The following TGFA variants were observed in gnomAD, a reference collection of about 807,000 sequenced individuals.
TGFA encodes the protein transforming growth factor alpha, also known as protransforming growth factor alpha.
In TGFA, 12 loss-of-function variants were observed where a neutral mutation model predicts 21.7. The observed-to-expected ratio is 0.55, with a 90% CI of 0.35 to 0.90. The LOEUF is 0.90. Among genes scored for constraint, TGFA ranks in the 40% least tolerant of loss-of-function variants. The pLI, the probability that TGFA is intolerant of heterozygous loss-of-function variation, is 0.01. For synonymous variants in TGFA, 79 were observed against 88.1 expected, an observed-to-expected ratio of 0.90 and a Z score of 0.58; for missense variants, 178 against 210.8, an observed-to-expected ratio of 0.84 and a Z score of 0.96.
At chr2:70,525,048 C>T (rs1033071475) in intron 1 of TGFA, among the ~76,000 whole-genome samples, 2 of 152,238 alleles carry the variant, frequency 1.3e-5, no homozygotes, top group Non-Finnish European at 2.9e-5. Context: ...CCAAGCCCAT[C>T]CCCTCAGCTC....
chr2:70,536,783 G>C (rs1312362901), intron 1 of TGFA, among the ~76,000 whole-genome samples: 1 of 152,186 alleles, frequency 6.6e-6, no homozygotes, highest in Non-Finnish European at 1.5e-5. Flanking sequence ...TTCCACTTTA[G>C]GAAACTAGAA....
chr2:70,536,219 A>G lies in TGFA; in HGVS notation c.40+17509T>C, dbSNP rs888072496. On this transcript the variant is annotated intron_variant, in intron 1 of 5. Coordinates refer to ENST00000295400, the MANE Select transcript of TGFA (RefSeq NM_003236.4). ...AGTTACTAAGCAATCCTTAATGTGT[A>G]TGTGCACCTAACAACAGTGTCAAAA... is the stretch of plus-strand genomic sequence containing the variant. 1.5e-4 allele frequency among the ~76,000 whole-genome samples: 23 copies of G among 152,216 alleles called. 1 individual carries two copies. The highest frequency in any genetic ancestry group is 2.9e-5 in the Non-Finnish European group (2 of 68,034).
chr2:70,528,673 A>G (rs145368958), intron 1 of TGFA, among the ~76,000 whole-genome samples: 20 of 152,332 alleles, frequency 1.3e-4, no homozygotes, highest in Non-Finnish European at 2.8e-4. Flanking sequence ...AAAAAAGATG[A>G]TGTATCTTAG....
intron 1 of TGFA, chr2:70,553,376 G>C (rs1013310054): frequency 1.4e-6 from 2 of 1,457,968 alleles, no homozygotes; most frequent in East Asian, 5.0e-5. Context: ...GGCTGAGCCG[G>C]GCTTGGAGGC....
At chr2:70,552,482 A>G (rs1553506958) in intron 1 of TGFA, among the ~76,000 whole-genome samples, 1 of 152,212 alleles carries the variant, frequency 6.6e-6, no homozygotes, top group African/African-American at 2.4e-5. Flanking sequence ...AAAAAAGGCA[A>G]TTCTTCAAAA....
chr2:70,488,832 T>G (rs781990785), intron 2 of TGFA, among the ~76,000 whole-genome samples: 10 of 152,200 alleles, frequency 6.6e-5, no homozygotes, highest in Non-Finnish European at 1.3e-4. Flanking sequence ...TTATTCGCAT[T>G]TCTGTGATGC....
At chr2:70,479,513 A>G (rs1453458356) in intron 2 of TGFA, among the ~76,000 whole-genome samples, 1 of 152,188 alleles carries the variant, frequency 6.6e-6, no homozygotes, top group Non-Finnish European at 1.5e-5. Context: ...AATGCTTTCA[A>G]TCTTAAGGAC....
intron 2 of TGFA, among the ~76,000 whole-genome samples, chr2:70,483,316 T>A (rs2103762419): frequency 6.6e-6 from 1 of 152,248 alleles, no homozygotes; most frequent in East Asian, 1.9e-4. Context: ...TCTTCAGGCA[T>A]TTTTACATCA....
intron 2 of TGFA, among the ~76,000 whole-genome samples, chr2:70,504,473 C>CAT: frequency 1.3e-5 from 1 of 78,816 alleles, no homozygotes; most frequent in African/African-American, 4.4e-5. Context: ...TACACACATA[C>CAT]ATACATACAT....
chr2:70,451,000 C>T, intron 5 of TGFA, 134 bp from the exon 6 acceptor site: 1 of 1,047,128 alleles, frequency 9.5e-7, no homozygotes, highest in South Asian at 1.4e-5. Context: ...GGCCCGAGTC[C>T]AAATTCTGCT....
chr2:70,533,047 T>C (rs1298104865), intron 1 of TGFA, among the ~76,000 whole-genome samples: 2 of 151,626 alleles, frequency 1.3e-5, no homozygotes, highest in African/African-American at 2.4e-5. Flanking sequence ...TTTTTTTTTT[T>C]CATAGAGACA....
intron 1 of TGFA, among the ~76,000 whole-genome samples, chr2:70,517,854 G>A (rs1672332161): frequency 1.3e-5 from 2 of 152,222 alleles, no homozygotes. Context: ...TTGCCTCTTG[G>A]GGATTCTCCC....
rs536142836 is a variant in TGFA at position 70,530,396 on chromosome 2, C to T, written c.41-15484G>A. The stretch of plus-strand genomic sequence containing the variant: ...ACAGGCAGATCCCAGGGATCTCCAT[C>T]TAAGGCAGTGGTGTCCAATCTTTTG... On this transcript the variant is annotated intron_variant, in intron 1 of 5. Transcript: ENST00000295400. Among the ~76,000 whole-genome samples, 17 of 152,348 alleles carry T rather than the reference C, an allele frequency of 1.1e-4. No homozygotes were observed. In the East Asian group the frequency reaches 3.3e-3, roughly 29 times the overall value.
chr2:70,512,783 T>G (rs147336679), intron 2 of TGFA, among the ~76,000 whole-genome samples: 1 of 152,156 alleles, frequency 6.6e-6, no homozygotes, highest in Non-Finnish European at 1.5e-5. Context: ...TCTGAATGGA[T>G]GGAGACTTGG....
intron 1 of TGFA, 98 bp from the exon 2 acceptor site, chr2:70,515,010 G>A (rs540891789): frequency 1.6e-5 from 19 of 1,167,076 alleles, no homozygotes; most frequent in African/African-American, 4.5e-5. Flanking sequence ...GCAAAGGTTC[G>A]GTAGTTTCAC....
At chr2:70,521,600 T>G (rs1394399014) in intron 1 of TGFA, among the ~76,000 whole-genome samples, 17 of 142,138 alleles carry the variant, frequency 1.2e-4, no homozygotes, top group Admixed American at 1.1e-3. Context: ...GATAGTTTTT[T>G]TTGTTGTTGT....
intron 1 of TGFA, among the ~76,000 whole-genome samples, chr2:70,543,072 C>T (rs782016595): frequency 5.9e-5 from 9 of 151,448 alleles, no homozygotes; most frequent in Admixed American, 5.3e-4. Flanking sequence ...CATTGCACTC[C>T]AGCCTGGGTA....
At chr2:70,552,564 T>C (rs1673543650) in intron 1 of TGFA, among the ~76,000 whole-genome samples, 1 of 152,190 alleles carries the variant, frequency 6.6e-6, no homozygotes, top group Admixed American at 6.5e-5. Flanking sequence ...GCTGGGAGCA[T>C]CCGGTTCCAA....
intron 2 of TGFA, among the ~76,000 whole-genome samples, chr2:70,500,982 A>G (rs1438674764): frequency 2.0e-5 from 3 of 152,142 alleles, no homozygotes; most frequent in African/African-American, 7.2e-5. Context: ...AAAAAAAAAA[A>G]AAAATTGCAG....
Sources: gnomAD v4.1 joint callset for allele counts (sites outside exome capture counted in the v4.1 genomes callset) on GRCh38, gnomAD v4.1.1 for gene constraint, MANE v1.5 for transcripts, NCBI Gene and HGNC (gene_info 2026-07-23, HGNC 2026-07-21) for gene names.